The following REPS2 variants were observed in gnomAD, a reference collection of about 807,000 sequenced individuals.
REPS2 encodes the protein ralBP1-associated Eps domain-containing protein 2.
Under a neutral mutation model 53.6 loss-of-function variants are expected in REPS2, and 23 were observed. The observed-to-expected ratio is 0.43, with a 90% confidence interval of 0.31 to 0.61. The LOEUF is 0.61. REPS2 is among the 20% of genes least tolerant of loss of function. The pLI, the probability that REPS2 is intolerant of heterozygous loss-of-function variation, is 0.11. For synonymous variants in REPS2, 238 were observed against 218.6 expected, an observed-to-expected ratio of 1.09 and a Z score of -0.78; for missense variants, 446 against 534.9, an observed-to-expected ratio of 0.83 and a Z score of 1.64.
At chrX:17,160,880 A>G in the REPS2 span, among the ~76,000 whole-genome samples, 1 of 111,921 alleles carries the variant, frequency 8.9e-6, no homozygotes, top group African/African-American at 3.2e-5. Context: ...TTTAACTGTT[A>G]CCCGATGCCT....
chrX:17,071,769 C>G (rs1396819065), intron 11 of REPS2, among the ~76,000 whole-genome samples: 1 of 111,667 alleles, frequency 9.0e-6, no homozygotes, highest in East Asian at 2.8e-4. Flanking sequence ...TCTAGGCCTG[C>G]TCCTCTTTCC....
At chrX:17,177,246 C>G in the REPS2 span, among the ~76,000 whole-genome samples, 11 of 112,306 alleles carry the variant, frequency 9.8e-5, no homozygotes, top group African/African-American at 3.6e-4. Flanking sequence ...CATTCTTTTG[C>G]TAGCTCCCTT....
At chrX:17,113,301 G>A (rs1053038541) in intron 14 of REPS2, among the ~76,000 whole-genome samples, 2 of 107,235 alleles carry the variant, frequency 1.9e-5, no homozygotes, top group African/African-American at 6.8e-5. Flanking sequence ...GTATAATTAA[G>A]CATGTGTTAA....
intron 5 of REPS2, among the ~76,000 whole-genome samples, chrX:17,039,065 AG>A (rs1406381287): frequency 8.9e-6 from 1 of 112,042 alleles, no homozygotes; most frequent in Non-Finnish European, 1.9e-5. Flanking sequence ...TTGAGTGTGA[AG>A]GGGAGAACGT....
chrX:17,101,283 C>T (rs1330238549), intron 13 of REPS2, among the ~76,000 whole-genome samples: 2 of 109,347 alleles, frequency 1.8e-5, no homozygotes, highest in African/African-American at 3.3e-5. Context: ...AGGATGGTCT[C>T]GATCTCCTGA....
At chrX:17,160,765 T>C in the REPS2 span, among the ~76,000 whole-genome samples, 2 of 112,538 alleles carry the variant, frequency 1.8e-5, no homozygotes, top group African/African-American at 6.4e-5. Flanking sequence ...CAGAGGATTA[T>C]TTCTAGTCCT....
chrX:16,947,065 C>T lies in REPS2; in HGVS notation c.204C>T (p.Ala68=), dbSNP rs776029226. Residue 68 remains alanine (A), a synonymous_variant, in exon 1 of 18, where the codon GCC becomes GCT. Coordinates refer to ENST00000357277, the MANE Select transcript of REPS2 (RefSeq NM_004726.3). ...CCGCCAGAGTCGCCCCCGGCACGGC[C>T]ACTGCGGCCGCCGGCCCCGTGGCTG... ...PEAARVAPGT[A]TAAAGPVADL... 5 of 1,056,727 alleles carry T rather than the reference C, an allele frequency of 4.7e-6. No homozygotes were observed. The Admixed American group carries it at 1.4e-4, about 30-fold the overall frequency. 87.1% of individuals were successfully genotyped at this position (1,056,727 alleles called of 1,213,427 possible). A position where few individuals can be genotyped will look rare whatever the true frequency, so the allele number is the denominator to read the frequency against.
At chrX:17,194,229 G>A in the REPS2 span, among the ~76,000 whole-genome samples, 4 of 111,409 alleles carry the variant, frequency 3.6e-5, no homozygotes, top group East Asian at 8.5e-4. Flanking sequence ...GGATTTTTTC[G>A]GGGGTAAAGA....
intron 6 of REPS2, among the ~76,000 whole-genome samples, chrX:17,051,875 A>G (rs111494868): frequency 8.9e-6 from 1 of 112,195 alleles, no homozygotes; most frequent in African/African-American, 3.2e-5. Flanking sequence ...GAAGGAAGAA[A>G]GATTCCTGGA....
At chrX:17,023,974 T>C (rs1367658203) in intron 3 of REPS2, among the ~76,000 whole-genome samples, 1 of 111,218 alleles carries the variant, frequency 9.0e-6, no homozygotes, top group African/African-American at 3.3e-5. Context: ...AGCCTATATA[T>C]ATAGTCTGTG....
At chrX:17,012,664 C>T (rs187026121) in intron 2 of REPS2, among the ~76,000 whole-genome samples, 2 of 110,562 alleles carry the variant, frequency 1.8e-5, no homozygotes, top group East Asian at 5.7e-4. Context: ...GGGCTGTGTT[C>T]CCCAAACTGG....
At chrX:17,163,151 G>C in the REPS2 span, among the ~76,000 whole-genome samples, 2 of 111,583 alleles carry the variant, frequency 1.8e-5, no homozygotes, top group Non-Finnish European at 3.8e-5. Flanking sequence ...TCACCAAATA[G>C]AGAATACCAA....
rs781420698 is a variant in REPS2 at position 17,101,357 on chromosome X, A to T, written c.1517-2361A>T. Among the ~76,000 whole-genome samples the T allele has an allele frequency of 9.9e-5, 11 of 111,229 alleles. No individual in the cohort carries two copies. The East Asian group carries it at 1.7e-3, about 17-fold the overall frequency. The stretch of plus-strand genomic sequence containing the variant: ...GATTACAAGCGTGAGCCATCGCGCC[A>T]GGCCTCTATGCCAACTCTTACAATG... On this transcript the variant is annotated intron_variant, in intron 13 of 17. Coordinates refer to ENST00000357277, the MANE Select transcript of REPS2 (RefSeq NM_004726.3).
intron 5 of REPS2, among the ~76,000 whole-genome samples, chrX:17,045,716 A>T (rs772890765): frequency 3.1e-4 from 34 of 110,040 alleles, no homozygotes; most frequent in African/African-American, 1.1e-3. Context: ...TGCTGGGTGC[A>T]TTCTCACTCA....
At chrX:17,139,867 C>T (rs1247227298) in intron 17 of REPS2, among the ~76,000 whole-genome samples, 2 of 111,323 alleles carry the variant, frequency 1.8e-5, no homozygotes, top group Non-Finnish European at 3.8e-5. Flanking sequence ...TAGGACCCAC[C>T]CTAATCTAGC....
At chrX:17,006,022 G>C (rs2061358860) in intron 1 of REPS2, among the ~76,000 whole-genome samples, 199 bp from the exon 2 acceptor site, 1 of 111,924 alleles carries the variant, frequency 8.9e-6, no homozygotes, top group Admixed American at 9.5e-5. Context: ...ATCATGAATA[G>C]GTAGAATTTA....
intron 4 of REPS2, among the ~76,000 whole-genome samples, chrX:17,025,542 A>G (rs1228382386): frequency 2.7e-5 from 3 of 112,091 alleles, no homozygotes; most frequent in Non-Finnish European, 5.6e-5. Flanking sequence ...AGATATTTAT[A>G]TAGTAACTGC....
chrX:17,026,748 T>A (rs931359510), intron 4 of REPS2, among the ~76,000 whole-genome samples: 4 of 111,448 alleles, frequency 3.6e-5, no homozygotes, highest in African/African-American at 1.3e-4. Flanking sequence ...CATACTTTTT[T>A]AAAAGTGAGG....
intron 1 of REPS2, among the ~76,000 whole-genome samples, chrX:16,989,909 A>G (rs2061141171): frequency 8.9e-6 from 1 of 112,471 alleles, no homozygotes; most frequent in Non-Finnish European, 1.9e-5. Context: ...CAACTACCAT[A>G]TGACCCAGCA....
Sources: gnomAD v4.1 joint callset for allele counts (sites outside exome capture counted in the v4.1 genomes callset) on GRCh38, gnomAD v4.1.1 for gene constraint, MANE v1.5 for transcripts, NCBI Gene and HGNC (gene_info 2026-07-23, HGNC 2026-07-21) for gene names.